CABIN1: variants seen among roughly 807,000 people sequenced by gnomAD.
CABIN1 encodes calcineurin-binding protein cabin-1.
In CABIN1, 133 loss-of-function variants were observed where a neutral mutation model predicts 227.7. The observed-to-expected ratio is 0.58, with a 90% CI of 0.51 to 0.67. CABIN1 has a LOEUF of 0.67. CABIN1 is among the 30% of genes least tolerant of loss of function. The pLI, the probability that CABIN1 is intolerant of heterozygous loss-of-function variation, is 0.00. For missense variants in CABIN1, 2,408 were observed against 2,852.5 expected (o/e 0.84, Z 3.55); for synonymous variants, 1,086 against 1,155.1 (o/e 0.94, Z 1.21).
intron 6 of CABIN1, among the ~76,000 whole-genome samples, chr22:24,044,147 T>C (rs1391502668): frequency 2.0e-5 from 3 of 152,190 alleles, no homozygotes; most frequent in South Asian, 2.1e-4. Flanking sequence ...AGATGCTAGG[T>C]TGAGACATCC....
rs984020807 is a variant in CABIN1 at position 24,107,318 on chromosome 22, C to G, written c.4118-6248C>G. Among the ~76,000 whole-genome samples, 8 of 152,204 alleles carry G rather than the reference C, an allele frequency of 5.3e-5. 1 individual carries two copies. Among genetic ancestry groups the G allele is most frequent in the African/African-American group, 1.9e-4 (8 of 41,444 alleles). On this transcript the variant is annotated intron_variant, in intron 26 of 36. Coordinates refer to ENST00000263119, the MANE Select transcript of CABIN1 (RefSeq NM_012295.4). ...TAAACAAGGGTTTGTCTAGAATCACCACAATGCCCCCCAGGGCCAGTACCA... is the reference window on the plus strand; with the variant it reads ...TAAACAAGGGTTTGTCTAGAATCACGACAATGCCCCCCAGGGCCAGTACCA...
At chr22:24,064,516 T>TTG (rs1173643023) in intron 15 of CABIN1, among the ~76,000 whole-genome samples, 1 of 148,414 alleles carries the variant, frequency 6.7e-6, no homozygotes, top group Non-Finnish European at 1.5e-5. Context: ...TGAAAGGTTT[T>TTG]TTTTTTTTTT....
At chr22:24,033,738 A>AT (rs1177051447) in intron 1 of CABIN1, among the ~76,000 whole-genome samples, 6 of 152,236 alleles carry the variant, frequency 3.9e-5, no homozygotes, top group African/African-American at 7.2e-5. Flanking sequence ...GGATCCTGGC[A>AT]TCTTTTTAAA....
chr22:24,096,123 A>C, intron 25 of CABIN1, 41 bp downstream of exon 25: 1 of 1,610,600 alleles, frequency 6.2e-7, no homozygotes, highest in Non-Finnish European at 8.5e-7. Flanking sequence ...AGCTTACCCC[A>C]TCTGCATCCC....
chr22:24,015,221 GCAC>G (rs1478256478), intron 1 of CABIN1, among the ~76,000 whole-genome samples: 1 of 119,778 alleles, frequency 8.3e-6, no homozygotes, highest in East Asian at 2.8e-4. Context: ...AGCCGAGATT[GCAC>G]CACTGCACTC....
At chr22:24,096,962 G>A (rs1420059609) in intron 25 of CABIN1, among the ~76,000 whole-genome samples, 2 of 152,240 alleles carry the variant, frequency 1.3e-5, no homozygotes, top group Non-Finnish European at 2.9e-5. Context: ...CTTGAGGGCT[G>A]TCTGCTTCTG....
At chr22:24,070,691 C>G in intron 16 of CABIN1, 109 bp from the exon 17 acceptor site, 2 of 1,540,436 alleles carry the variant, frequency 1.3e-6, no homozygotes, top group Non-Finnish European at 1.8e-6. Flanking sequence ...TCGTTCTTCC[C>G]TTTCTTTTGC....
At chr22:24,114,689 T>C (rs1043578713) in intron 27 of CABIN1, among the ~76,000 whole-genome samples, 3 of 152,202 alleles carry the variant, frequency 2.0e-5, no homozygotes, top group Non-Finnish European at 2.9e-5. Context: ...ACCCAGGCCT[T>C]GTCCCAGGAA....
intron 24 of CABIN1, among the ~76,000 whole-genome samples, chr22:24,095,426 A>G (rs1439629138): frequency 1.4e-5 from 1 of 69,358 alleles, no homozygotes; most frequent in African/African-American, 5.1e-5. Flanking sequence ...CTGCCCACCC[A>G]CCCCCCCACC....
intron 10 of CABIN1, among the ~76,000 whole-genome samples, chr22:24,057,080 G>C (rs2038857451): frequency 6.6e-6 from 1 of 152,142 alleles, no homozygotes; most frequent in Admixed American, 6.5e-5. Flanking sequence ...GGGACTACAG[G>C]TGCCTGCCAC....
chr22:24,158,027 C>T (rs1361696268), intron 29 of CABIN1, among the ~76,000 whole-genome samples: 1 of 152,228 alleles, frequency 6.6e-6, no homozygotes, highest in African/African-American at 2.4e-5. Flanking sequence ...TCCCCGCCCT[C>T]GCCTGTTCCG....
intron 1 of CABIN1, among the ~76,000 whole-genome samples, chr22:24,030,821 C>G (rs2146828636): frequency 6.6e-6 from 1 of 152,138 alleles, no homozygotes; most frequent in Admixed American, 6.5e-5. Flanking sequence ...TCCAACTTGC[C>G]TAGTTATTTA....
At chr22:24,028,327 CAAA>C (rs1329493030) in intron 1 of CABIN1, among the ~76,000 whole-genome samples, 2 of 152,002 alleles carry the variant, frequency 1.3e-5, no homozygotes, top group African/African-American at 2.4e-5. Context: ...TGAAGTGTGT[CAAA>C]AAAACGGGGA....
chr22:24,163,155 G>C lies in CABIN1; in HGVS notation c.4747-1245G>C, dbSNP rs117859040. Among the ~76,000 whole-genome samples, 230 of 152,302 alleles carry C rather than the reference G, an allele frequency of 1.5e-3. 5 individuals carry two copies. The South Asian group carries it at 0.034, about 23-fold the overall frequency. On this transcript the variant is annotated intron_variant, in intron 29 of 36. Transcript: ENST00000263119. ...TTTCAGGCACTGCCAGGAAGTAGAA[G>C]GTGGCTGCTGGCCTCCACATAGTCC... is the stretch of plus-strand genomic sequence containing the variant.
At chr22:24,092,992 GA>G (rs2041651191) in intron 24 of CABIN1, among the ~76,000 whole-genome samples, 1 of 152,132 alleles carries the variant, frequency 6.6e-6, no homozygotes, top group Non-Finnish European at 1.5e-5. Context: ...TATCTGCACG[GA>G]CCCTTGATAG....
intron 1 of CABIN1, among the ~76,000 whole-genome samples, chr22:24,012,069 G>T (rs1440997254): frequency 6.6e-6 from 1 of 152,184 alleles, no homozygotes; most frequent in African/African-American, 2.4e-5. Flanking sequence ...GTCTCGTTCA[G>T]CGGTCGGCAA....
chr22:24,023,527 A>T (rs1262607531), intron 1 of CABIN1, among the ~76,000 whole-genome samples: 3 of 152,116 alleles, frequency 2.0e-5, no homozygotes, highest in Non-Finnish European at 4.4e-5. Context: ...GAGTTTTTCT[A>T]CATCCTTGCC....
At chr22:24,098,245 G>A (rs575527711) in intron 26 of CABIN1, 53 bp downstream of exon 26, 1 of 1,612,482 alleles carries the variant, frequency 6.2e-7, no homozygotes, top group African/African-American at 1.3e-5. Context: ...TCAATCACGG[G>A]GGGGTGCTCG....
In CABIN1 at chr22:24,053,643, C is replaced by T. The variant is rs139323525; in HGVS notation, c.807-1230C>T. 3.7e-3 allele frequency among the ~76,000 whole-genome samples: 565 copies of T among 152,200 alleles called. 2 individuals are homozygous for T. Among genetic ancestry groups the T allele is most frequent in the Non-Finnish European group, 5.4e-3 (370 of 68,016 alleles). ...ATCTACCCGCCTCGGCCTCTCAAAG[C>T]GTTGGGAGTACAAGCATGAGTCACC... is the stretch of plus-strand genomic sequence containing the variant. On this transcript the variant is annotated intron_variant, in intron 8 of 36. Coordinates refer to ENST00000263119, the MANE Select transcript of CABIN1 (RefSeq NM_012295.4).
Sources: gnomAD v4.1 joint callset for allele counts (sites outside exome capture counted in the v4.1 genomes callset) on GRCh38, gnomAD v4.1.1 for gene constraint, MANE v1.5 for transcripts, NCBI Gene and HGNC (gene_info 2026-07-23, HGNC 2026-07-21) for gene names.